TIAM1: variants seen among roughly 807,000 people sequenced by gnomAD.
The protein encoded by TIAM1 is TIAM Rac1 associated GEF 1, also known as rho guanine nucleotide exchange factor TIAM1.
A neutral mutation model predicts 163.5 loss-of-function variants in TIAM1; 65 were observed. The observed-to-expected ratio is 0.40, with a 90% CI of 0.33 to 0.49. The LOEUF (loss-of-function observed/expected upper bound fraction) is 0.49, where lower values mean the gene tolerates loss of function less well. Among genes scored for constraint, TIAM1 ranks in the 20% least tolerant of loss-of-function variants. The probability of loss-of-function intolerance (pLI) is 0.77; values close to 1 mark genes in which losing one functional copy is unlikely to be tolerated. For missense variants in TIAM1, 1,789 were observed against 2,044.7 expected, an observed-to-expected ratio of 0.87 and a Z score of 2.41; for synonymous variants, 833 against 810.1, an observed-to-expected ratio of 1.03 and a Z score of -0.48.
Position 31,245,599 on chromosome 21 carries a change from G to A in TIAM1, c.1473C>T (p.Pro491=). Reference sequence around the variant, plus strand: ...TGTTCTCCACCCAGACGGCGTGTTTGGGGATGCTGTTGTGGTCTATCCCAG... The same window carrying A: ...TGTTCTCCACCCAGACGGCGTGTTTAGGGATGCTGTTGTGGTCTATCCCAG... ...GRSGIDHNSI[P]KHAVWVENSI... is the part of the protein sequence containing the mutation. Residue 491 remains proline, a synonymous_variant, in exon 6 of 28, where the codon CCC becomes CCT. Transcript: ENST00000541036. 6.2e-7 allele frequency: 1 copy of A among 1,608,232 alleles called. No individual in the cohort carries two copies. Among genetic ancestry groups the A allele is most frequent in the Non-Finnish European group, 8.5e-7 (1 of 1,177,420 alleles).
chr21:31,523,871 T>C (rs1033252380), intron 1 of TIAM1, among the ~76,000 whole-genome samples: 37 of 147,756 alleles, frequency 2.5e-4, no homozygotes, highest in African/African-American at 8.8e-4. Context: ...TGAGCTGAGA[T>C]CGCGCCACTG....
intron 2 of TIAM1, among the ~76,000 whole-genome samples, chr21:31,407,179 G>A (rs1159388781): frequency 6.6e-6 from 1 of 152,146 alleles, no homozygotes; most frequent in East Asian, 1.9e-4. Context: ...CTAATGCATG[G>A]TTTTCAAGTC....
At position 31,551,749 on chromosome 21, in the gene TIAM1, A is replaced by C. The variant is rs1396552522; in HGVS notation, c.-422+7178T>G. ...GACCCTATCTCAAAGAAAAGAAAAA[A>C]AGAACCATAAGTATAATTATCAAAA... On this transcript the variant is annotated intron_variant, in intron 1 of 28. Coordinates refer to the TIAM1 transcript ENST00000286827. Among the ~76,000 whole-genome samples the C allele has an allele frequency of 2.0e-5, 3 of 152,180 alleles. No homozygotes were observed. The East Asian group carries it at 5.8e-4, about 29-fold the overall frequency.
At chr21:31,328,832 G>C (rs952224523) in intron 2 of TIAM1, among the ~76,000 whole-genome samples, 1 of 151,876 alleles carries the variant, frequency 6.6e-6, no homozygotes, top group African/African-American at 2.4e-5. Context: ...TTTTTGTAGA[G>C]ATGGGGTCTC....
In TIAM1 at chr21:31,266,184, A is replaced by G. The variant is rs2072749759; in HGVS notation, c.789T>C (p.Asp263=). 1.9e-6 allele frequency: 3 copies of G among 1,614,168 alleles called. No individual in the cohort carries two copies. Among genetic ancestry groups the G allele is most frequent in the Non-Finnish European group, 2.5e-6 (3 of 1,180,024 alleles). The change falls in exon 4 of 28, where the codon GAT becomes GAC. Residue 263 remains aspartate (D), a synonymous_variant. Coordinates refer to ENST00000541036, the MANE Select transcript of TIAM1 (RefSeq NM_001353694.2). ...FAGYCRNLVS[D]IPNLANHKMP... is the part of the protein sequence containing the mutation. Reference sequence around the variant, plus strand: ...TCTTATGGTTTGCAAGATTGGGAATATCAGACACCAAATTCCGACAGTAGC... The same window carrying G: ...TCTTATGGTTTGCAAGATTGGGAATGTCAGACACCAAATTCCGACAGTAGC...
chr21:31,475,025 T>TTA (rs1555995982), intron 1 of TIAM1, among the ~76,000 whole-genome samples: 13 of 118,714 alleles, frequency 1.1e-4, no homozygotes, highest in South Asian at 2.5e-4. Context: ...GAGCTAGTTT[T>TTA]TTATTATTAT....
chr21:31,425,824 G>C (rs2043774582), intron 2 of TIAM1, among the ~76,000 whole-genome samples: 1 of 151,916 alleles, frequency 6.6e-6, no homozygotes, highest in East Asian at 1.9e-4. Flanking sequence ...ATCTTCCCGA[G>C]TAGCTGGGAT....
intron 15 of TIAM1, among the ~76,000 whole-genome samples, chr21:31,172,325 C>T (rs899120430): frequency 2.7e-5 from 4 of 146,386 alleles, no homozygotes; most frequent in Admixed American, 2.7e-4. Flanking sequence ...TAATCCCATA[C>T]AAACAGAGTT....
chr21:31,418,878 C>T lies in TIAM1; in HGVS notation c.-369+45105G>A, dbSNP rs147533578. 1.4e-3 allele frequency among the ~76,000 whole-genome samples: 211 copies of T among 152,284 alleles called. 2 individuals are homozygous for T. The highest frequency in any genetic ancestry group is 4.3e-3 in the African/African-American group (179 of 41,562). On this transcript the variant is annotated intron_variant, in intron 2 of 28. Transcript: ENST00000286827. ...CTTAGAACTACCGTTTCTTTTACTG[C>T]AGTTGAAGGAAAGAAAAAGGAGTCA...
chr21:31,258,077 C>T (rs987184278), intron 4 of TIAM1, among the ~76,000 whole-genome samples: 1 of 151,978 alleles, frequency 6.6e-6, no homozygotes, highest in African/African-American at 2.4e-5. Context: ...TCCCCCACAC[C>T]CCATCTTCCT....
chr21:31,500,623 C>T (rs1015042930), intron 1 of TIAM1, among the ~76,000 whole-genome samples: 1 of 152,074 alleles, frequency 6.6e-6, no homozygotes, highest in African/African-American at 2.4e-5. Context: ...TCTTTTAATC[C>T]AGTATGTTTA....
chr21:31,469,107 G>C (rs2045643522), intron 1 of TIAM1, among the ~76,000 whole-genome samples: 1 of 137,752 alleles, frequency 7.3e-6, no homozygotes, highest in African/African-American at 2.7e-5. Context: ...TTTTGAGACA[G>C]GGTCTCATTC....
chr21:31,545,370 G>A (rs751501379), intron 1 of TIAM1, among the ~76,000 whole-genome samples: 1 of 152,212 alleles, frequency 6.6e-6, no homozygotes, highest in Non-Finnish European at 1.5e-5. Context: ...CTAGCCTCCA[G>A]TTCTGTGAAA....
intron 2 of TIAM1, among the ~76,000 whole-genome samples, chr21:31,364,601 G>C (rs143271687): frequency 1.5e-3 from 230 of 152,326 alleles, no homozygotes; most frequent in African/African-American, 5.2e-3. Flanking sequence ...TTGTTAATAA[G>C]AGTTCTGTAC....
intron 19 of TIAM1, among the ~76,000 whole-genome samples, chr21:31,152,371 A>G (rs1016246226): frequency 6.6e-6 from 1 of 152,198 alleles, no homozygotes; most frequent in African/African-American, 2.4e-5. Context: ...CTAAAGCATT[A>G]AAGGCCCCCA....
chr21:31,125,759 G>C (rs1026011871), intron 26 of TIAM1, among the ~76,000 whole-genome samples: 5 of 152,178 alleles, frequency 3.3e-5, no homozygotes, highest in African/African-American at 4.8e-5. Flanking sequence ...ATTTTTAGTG[G>C]AGACGGGGCT....
intron 13 of TIAM1, among the ~76,000 whole-genome samples, chr21:31,193,646 G>A (rs1206105264): frequency 6.6e-6 from 1 of 152,210 alleles, no homozygotes; most frequent in South Asian, 2.1e-4. Flanking sequence ...GATTTAGGCA[G>A]AGAGCGAGGA....
At chr21:31,216,766 C>T (rs1259867905) in intron 9 of TIAM1, among the ~76,000 whole-genome samples, 2 of 152,102 alleles carry the variant, frequency 1.3e-5, no homozygotes, top group African/African-American at 2.4e-5. Context: ...GGGGCTGTGG[C>T]AGTGGGCGAG....
chr21:31,557,841 C>A (rs2048936658), intron 1 of TIAM1, among the ~76,000 whole-genome samples: 1 of 152,160 alleles, frequency 6.6e-6, no homozygotes, highest in African/African-American at 2.4e-5. Flanking sequence ...ACGACTGGAA[C>A]CGGGTGAGTG....
Sources: gnomAD v4.1 joint callset for allele counts (sites outside exome capture counted in the v4.1 genomes callset) on GRCh38, gnomAD v4.1.1 for gene constraint, MANE v1.5 for transcripts, NCBI Gene and HGNC (gene_info 2026-07-23, HGNC 2026-07-21) for gene names.